The following RANBP2 variants were observed in gnomAD, a reference collection of about 807,000 sequenced individuals.
The protein encoded by RANBP2 is E3 SUMO-protein ligase RanBP2.
In RANBP2, 57 loss-of-function variants were observed where a neutral mutation model predicts 303.6. That is an observed-to-expected ratio of 0.19 (90% CI 0.15 to 0.23). RANBP2 has a LOEUF of 0.23. Among genes scored for constraint, RANBP2 ranks in the 10% least tolerant of loss-of-function variants. The pLI, the probability that RANBP2 is intolerant of heterozygous loss-of-function variation, is 1.00. For missense variants in RANBP2, 3,138 were observed against 3,780.8 expected, an observed-to-expected ratio of 0.83 and a Z score of 4.46; for synonymous variants, 1,167 against 1,301.5, an observed-to-expected ratio of 0.90 and a Z score of 2.23.
chr2:108,986,939 C>T, the RANBP2 span, among the ~76,000 whole-genome samples: 1 of 152,240 alleles, frequency 6.6e-6, no homozygotes, highest in South Asian at 2.1e-4. Flanking sequence ...ATTAATGATA[C>T]TATTGGTGGG....
the RANBP2 span, among the ~76,000 whole-genome samples, chr2:108,833,520 A>C: frequency 6.6e-6 from 1 of 152,220 alleles, no homozygotes; most frequent in South Asian, 2.1e-4. Flanking sequence ...AATTTAGTGA[A>C]GTCTGGTGTT....
chr2:109,597,885 C>T, the RANBP2 span, among the ~76,000 whole-genome samples: 42,716 of 151,894 alleles, frequency 0.28, 6,302 homozygotes, highest in Admixed American at 0.4. Flanking sequence ...GGAAATATGG[C>T]CTTTTCCTGT....
At chr2:108,742,610 T>C (rs1466704985) in intron 7 of RANBP2, among the ~76,000 whole-genome samples, 1 of 152,050 alleles carries the variant, frequency 6.6e-6, no homozygotes, top group Non-Finnish European at 1.5e-5. Context: ...GGCCTGTAAA[T>C]CTTTTAAAAA....
At chr2:109,073,679 A>G in the RANBP2 span, among the ~76,000 whole-genome samples, 4 of 150,324 alleles carry the variant, frequency 2.7e-5, no homozygotes, top group Admixed American at 2.6e-4. Context: ...AAAAGAAAAA[A>G]AAAGAGAGAG....
At chr2:109,193,608 C>A in the RANBP2 span, among the ~76,000 whole-genome samples, 277 of 152,212 alleles carry the variant, frequency 1.8e-3, no homozygotes, top group African/African-American at 5.8e-3. Context: ...GCATAGTATT[C>A]TGTTGTATGG....
At chr2:108,934,441 C>T in the RANBP2 span, among the ~76,000 whole-genome samples, 1 of 152,166 alleles carries the variant, frequency 6.6e-6, no homozygotes, top group Admixed American at 6.5e-5. Flanking sequence ...ACCTGACTGA[C>T]GTGGGGCTCC....
the RANBP2 span, among the ~76,000 whole-genome samples, chr2:109,215,550 G>T: frequency 1.3e-5 from 2 of 152,098 alleles, no homozygotes; most frequent in Non-Finnish European, 2.9e-5. Context: ...GGTTCCTCTC[G>T]GGAGAGCCCC....
the RANBP2 span, among the ~76,000 whole-genome samples, chr2:109,627,810 T>G: frequency 6.6e-6 from 1 of 152,238 alleles, no homozygotes; most frequent in African/African-American, 2.4e-5. Context: ...TTATCCATAT[T>G]GTTGCTTATA....
the RANBP2 span, among the ~76,000 whole-genome samples, chr2:109,228,220 G>C: frequency 6.6e-6 from 1 of 152,076 alleles, no homozygotes; most frequent in Non-Finnish European, 1.5e-5. Flanking sequence ...AGCCCTCCTA[G>C]TCCCCAGGAA....
the RANBP2 span, among the ~76,000 whole-genome samples, chr2:109,111,589 T>C: frequency 6.9e-6 from 1 of 145,366 alleles, no homozygotes; most frequent in Admixed American, 7.3e-5. Context: ...ATGGCATTTT[T>C]CTTTTCTTTT....
the RANBP2 span, among the ~76,000 whole-genome samples, chr2:109,280,528 A>G: frequency 8.5e-5 from 13 of 152,324 alleles, no homozygotes; most frequent in Admixed American, 2.6e-4. Context: ...GCCATGGTCC[A>G]ATACCAGTCC....
At chr2:108,906,710 G>C in the RANBP2 span, among the ~76,000 whole-genome samples, 3 of 152,234 alleles carry the variant, frequency 2.0e-5, no homozygotes, top group African/African-American at 7.2e-5. Context: ...GCAGAGCCGT[G>C]CGGGGCTCCC....
the RANBP2 span, among the ~76,000 whole-genome samples, chr2:109,710,771 G>A: frequency 6.6e-6 from 1 of 152,160 alleles, no homozygotes; most frequent in African/African-American, 2.4e-5. Context: ...TGAGGGAGGG[G>A]TGAGAGGAGA....
the RANBP2 span, among the ~76,000 whole-genome samples, chr2:108,887,206 T>C: frequency 6.8e-6 from 1 of 147,252 alleles, no homozygotes; most frequent in African/African-American, 2.5e-5. Context: ...ATGTGTCTTA[T>C]TTCTGGTTTC....
At chr2:109,345,138 G>A in the RANBP2 span, among the ~76,000 whole-genome samples, 4 of 152,206 alleles carry the variant, frequency 2.6e-5, no homozygotes, top group East Asian at 5.8e-4. Context: ...GCCCCAGGCT[G>A]CCTGGTGGAA....
chr2:109,690,880 G>A, the RANBP2 span, among the ~76,000 whole-genome samples: 6 of 152,070 alleles, frequency 3.9e-5, no homozygotes, highest in Non-Finnish European at 7.4e-5. Flanking sequence ...CAGTAACTAG[G>A]GAGTTCTGGA....
the RANBP2 span, among the ~76,000 whole-genome samples, chr2:108,861,669 CAG>C: frequency 2.0e-5 from 3 of 151,938 alleles, no homozygotes; most frequent in Non-Finnish European, 4.4e-5. Context: ...TTAGTAGAGA[CAG>C]GGTTTCACCA....
At chr2:108,867,330 A>G in the RANBP2 span, among the ~76,000 whole-genome samples, 1 of 152,212 alleles carries the variant, frequency 6.6e-6, no homozygotes, top group African/African-American at 2.4e-5. Context: ...TGGCAGCACT[A>G]ATGTGTCTTT....
chr2:108,788,664 G>T (rs190292015), downstream of RANBP2, among the ~76,000 whole-genome samples: 71 of 152,228 alleles, frequency 4.7e-4, 1 homozygote, highest in African/African-American at 1.6e-3. Context: ...AGCTTGCAGT[G>T]AGCCGAGATT....
Sources: allele counts gnomAD v4.1 joint callset (sites outside exome capture counted in the v4.1 genomes callset), GRCh38; gene constraint gnomAD v4.1.1; transcripts MANE v1.5; gene names NCBI Gene and HGNC (gene_info 2026-07-23, HGNC 2026-07-21).